TACC2: variants seen among roughly 807,000 people sequenced by gnomAD.
The protein encoded by TACC2 is transforming acidic coiled-coil-containing protein 2.
Under a neutral mutation model 227.3 loss-of-function variants are expected in TACC2, and 137 were observed. The observed-to-expected ratio is 0.60, with a 90% confidence interval of 0.52 to 0.69. The LOEUF (loss-of-function observed/expected upper bound fraction) is 0.69. Among genes scored for constraint, TACC2 ranks in the 30% least tolerant of loss-of-function variants. The pLI is 0.00. For synonymous variants in TACC2, 1,523 were observed against 1,487.5 expected (o/e 1.02, Z -0.55); for missense variants, 3,470 against 3,694.4 (o/e 0.94, Z 1.57).
chr10:122,197,343 C>T (rs575484131), intron 8 of TACC2, among the ~76,000 whole-genome samples: 146 of 152,346 alleles, frequency 9.6e-4, no homozygotes, highest in African/African-American at 3.1e-3. Context: ...AAGGAGTGTG[C>T]GGAGAGGCCA....
intron 7 of TACC2, among the ~76,000 whole-genome samples, chr10:122,189,185 G>A (rs2094323790): frequency 6.6e-6 from 1 of 152,106 alleles, no homozygotes; most frequent in African/African-American, 2.4e-5. Context: ...AGAGATTGGG[G>A]AGGGGAAAGC....
At chr10:122,104,169 A>C (rs1022215098) in intron 5 of TACC2, among the ~76,000 whole-genome samples, 1 of 152,134 alleles carries the variant, frequency 6.6e-6, no homozygotes, top group Admixed American at 6.6e-5. Flanking sequence ...GGCATTGGAG[A>C]GTCAATTCTT....
chr10:122,004,495 G>T (rs989113202), intron 1 of TACC2, among the ~76,000 whole-genome samples: 1 of 151,998 alleles, frequency 6.6e-6, no homozygotes, highest in Non-Finnish European at 1.5e-5. Flanking sequence ...ACAACCTAAG[G>T]TTAGCCTTTT....
At chr10:122,164,713 C>T (rs2093046200) in intron 7 of TACC2, among the ~76,000 whole-genome samples, 1 of 152,124 alleles carries the variant, frequency 6.6e-6, no homozygotes, top group South Asian at 2.1e-4. Context: ...GACGATGGGG[C>T]GTATTGAATG....
At position 122,083,245 on chromosome 10, in the gene TACC2, A is replaced by G. The variant is rs2137084652; in HGVS notation, c.745A>G (p.Thr249Ala). ...GCAGGGGGTGGCTTCTGTGCAAGTG[A>G]CCCCTGAGGCCCCTGCTGCAGCCCA... The part of the protein sequence containing the change: ...SRQGVASVQV[T>A]PEAPAAAQQG... Residue 249 changes from threonine (T) to alanine (A), a missense_variant, in exon 4 of 23, where the codon ACC becomes GCC. Coordinates refer to ENST00000369005, the MANE Select transcript of TACC2 (RefSeq NM_206862.4). The G allele has an allele frequency of 6.2e-7, 1 of 1,612,800 alleles. No homozygotes were observed.
intron 1 of TACC2, among the ~76,000 whole-genome samples, chr10:121,999,745 C>T (rs1000310032): frequency 6.6e-5 from 10 of 152,184 alleles, no homozygotes; most frequent in African/African-American, 2.4e-4. Context: ...CCTCTACATA[C>T]ACTGATGTCA....
intron 19 of TACC2, chr10:122,248,439 G>T (rs966696672): frequency 9.8e-6 from 6 of 612,872 alleles, no homozygotes; most frequent in African/African-American, 5.6e-5. Context: ...CACAGGCCCG[G>T]GTCTGGGAAG....
chr10:122,089,263 A>C (rs60995025), intron 5 of TACC2, among the ~76,000 whole-genome samples: 4,610 of 152,238 alleles, frequency 0.03, 95 homozygotes, highest in South Asian at 0.092. Flanking sequence ...GAAACCCTAC[A>C]GCCCCTAGAT....
chr10:122,176,613 G>T (rs571881105), intron 7 of TACC2, among the ~76,000 whole-genome samples: 3 of 152,016 alleles, frequency 2.0e-5, no homozygotes, highest in East Asian at 1.9e-4. Context: ...GTGTGGCCTT[G>T]TAGATAACCA....
rs45530131 is a variant in TACC2, at chr10:122,248,553, G to A, written c.8393-90G>A. The A allele has an allele frequency of 4.5e-3, 6,690 of 1,494,666 alleles. 23 individuals carry two copies. Among genetic ancestry groups the A allele is most frequent in the Middle Eastern group, 0.012 (48 of 4,108 alleles). 92.6% of individuals were successfully genotyped at this position (1,494,666 alleles called of 1,614,324 possible). ...GGTTTGAGATGCCCCCACTGGTGAG[G>A]CTGAGTTGCATCTGAGGCCTCGGCT... is the stretch of plus-strand genomic sequence containing the variant. On this transcript the variant is annotated intron_variant, in intron 19 of 22. Coordinates refer to ENST00000369005, the MANE Select transcript of TACC2 (RefSeq NM_206862.4).
intron 18 of TACC2, among the ~76,000 whole-genome samples, chr10:122,239,470 C>T (rs2095935744): frequency 6.6e-6 from 1 of 152,228 alleles, no homozygotes; most frequent in East Asian, 1.9e-4. Flanking sequence ...CCTGTGACCA[C>T]CTCTGGACAT....
intron 2 of TACC2, among the ~76,000 whole-genome samples, chr10:122,036,159 C>A (rs965194761): frequency 1.3e-5 from 2 of 152,054 alleles, no homozygotes; most frequent in Admixed American, 1.3e-4. Flanking sequence ...GAATGATATT[C>A]CATTGTGTGT....
intron 7 of TACC2, among the ~76,000 whole-genome samples, chr10:122,153,365 A>G (rs2092243054): frequency 6.6e-6 from 1 of 152,190 alleles, no homozygotes; most frequent in Admixed American, 6.5e-5. Flanking sequence ...CATTTTATAG[A>G]TGGGACAACT....
chr10:122,234,885 TC>T (rs2141555150), intron 16 of TACC2, among the ~76,000 whole-genome samples: 1 of 152,320 alleles, frequency 6.6e-6, no homozygotes, highest in East Asian at 1.9e-4. Context: ...CTTATTTTGA[TC>T]AGAATTGAAT....
chr10:122,092,943 AC>A (rs1291417464), intron 5 of TACC2, among the ~76,000 whole-genome samples: 1 of 152,234 alleles, frequency 6.6e-6, no homozygotes, highest in Non-Finnish European at 1.5e-5. Context: ...TACATATACA[AC>A]TATCTTCCCT....
At chr10:122,044,198 G>A (rs770733594) in intron 2 of TACC2, among the ~76,000 whole-genome samples, 4 of 152,216 alleles carry the variant, frequency 2.6e-5, no homozygotes, top group African/African-American at 9.6e-5. Context: ...AAAACATTCC[G>A]TTTGCGGAAA....
intron 3 of TACC2, among the ~76,000 whole-genome samples, chr10:122,055,702 A>C (rs1466346740): frequency 2.0e-5 from 3 of 152,272 alleles, no homozygotes; most frequent in Non-Finnish European, 2.9e-5. Context: ...TGTGCCCTTG[A>C]ACGCAAAATA....
intron 3 of TACC2, among the ~76,000 whole-genome samples, chr10:122,076,438 A>T (rs755382867): frequency 6.6e-6 from 1 of 152,188 alleles, no homozygotes; most frequent in Non-Finnish European, 1.5e-5. Flanking sequence ...AATCCATTGC[A>T]CTAACCCACT....
chr10:122,058,262 T>C (rs1257434377), intron 3 of TACC2, among the ~76,000 whole-genome samples: 1 of 152,216 alleles, frequency 6.6e-6, no homozygotes, highest in Non-Finnish European at 1.5e-5. Context: ...GTTGAATGTG[T>C]CTACTTCGCC....
Sources: gnomAD v4.1 joint callset for allele counts (sites outside exome capture counted in the v4.1 genomes callset) on GRCh38, gnomAD v4.1.1 for gene constraint, MANE v1.5 for transcripts, NCBI Gene and HGNC (gene_info 2026-07-23, HGNC 2026-07-21) for gene names.